Variants in ZBTB2 observed in about 807,000 individuals in gnomAD.
The protein encoded by ZBTB2 is zinc finger and BTB domain-containing protein 2.
In ZBTB2, 2 loss-of-function variants were observed where a neutral mutation model predicts 39.5. That is an observed-to-expected ratio of 0.05 (90% CI 0.02 to 0.16). ZBTB2 has a LOEUF of 0.16. Ranked by LOEUF, ZBTB2 falls within the 10% of genes least tolerant of loss-of-function variation. ZBTB2 has a pLI of 1.00. For synonymous variants in ZBTB2, 251 were observed against 256.6 expected, an observed-to-expected ratio of 0.98 and a Z score of 0.21; for missense variants, 391 against 653.0, an observed-to-expected ratio of 0.60 and a Z score of 4.37.
At chr6:151,375,890 AC>A (rs1294276715) in intron 1 of ZBTB2, among the ~76,000 whole-genome samples, 1 of 152,196 alleles carries the variant, frequency 6.6e-6, no homozygotes, top group Non-Finnish European at 1.5e-5. Context: ...TTAAAAAAGA[AC>A]CATAAAGTGG....
At chr6:151,389,266 GGAAAAAA>G (rs1052610033) in intron 1 of ZBTB2, among the ~76,000 whole-genome samples, 77 of 151,352 alleles carry the variant, frequency 5.1e-4, no homozygotes, top group African/African-American at 1.7e-3. Flanking sequence ...CTTACTAAAA[GGAAAAAA>G]GAAAAAAGAA....
At chr6:151,368,938 T>G (rs1267192227) in intron 2 of ZBTB2, among the ~76,000 whole-genome samples, 1 of 150,852 alleles carries the variant, frequency 6.6e-6, no homozygotes, top group Non-Finnish European at 1.5e-5. Flanking sequence ...TTTTGTATTT[T>G]TTTTAGTAGA....
chr6:151,365,997 C>G lies in ZBTB2; in HGVS notation c.1069G>C (p.Glu357Gln). 1.9e-6 allele frequency: 3 copies of G among 1,614,214 alleles called. No individual in the cohort carries two copies. Among genetic ancestry groups the G allele is most frequent in the Non-Finnish European group, 2.5e-6 (3 of 1,180,044 alleles). ...DNLEQADQER[E>Q]VKRRKYECTI... ...CACTCGTACTTCCGCCTCTTCACCT[C>G]CCTCTCCTGGTCGGCCTGCTCCAGG... The change falls in exon 3 of 3, where the codon GAG becomes CAG. Residue 357 changes from glutamate (E) to glutamine (Q), a missense_variant. This residue lies in a region of ZBTB2 where 17 missense variants were observed against 67.6 expected (regional missense o/e 0.25). Coordinates refer to ENST00000325144, the MANE Select transcript of ZBTB2 (RefSeq NM_020861.3). The surrounding 1 kb of genome is among the most constrained non-coding windows in gnomAD (Gnocchi z 5.6).
chr6:151,386,325 A>G (rs1034266786), intron 1 of ZBTB2, among the ~76,000 whole-genome samples: 1 of 152,152 alleles, frequency 6.6e-6, no homozygotes, highest in Admixed American at 6.5e-5. Flanking sequence ...CGGGCAGATC[A>G]CTTGAGCCCC....
rs536245915 is a variant in ZBTB2, at chr6:151,386,344, G to C, written c.-13+5076C>G. Among the ~76,000 whole-genome samples, 5 of 152,188 alleles carry C rather than the reference G, an allele frequency of 3.3e-5. No homozygotes were observed. The South Asian group carries it at 6.2e-4, about 19-fold the overall frequency. ...CAGATCACTTGAGCCCCGGAGACCA[G>C]CCTGCGCAACATGACGAGACCCTGT... is the stretch of plus-strand genomic sequence containing the variant. On this transcript the variant is annotated intron_variant, in intron 1 of 2. Coordinates refer to ENST00000325144, the MANE Select transcript of ZBTB2 (RefSeq NM_020861.3).
chr6:151,388,745 G>A (rs1044338016), intron 1 of ZBTB2, among the ~76,000 whole-genome samples: 2 of 152,186 alleles, frequency 1.3e-5, no homozygotes, highest in Non-Finnish European at 2.9e-5. Flanking sequence ...TGATATTAAA[G>A]TTTAAGATAT....
chr6:151,388,992 G>T (rs947533156), intron 1 of ZBTB2, among the ~76,000 whole-genome samples: 1 of 152,130 alleles, frequency 6.6e-6, no homozygotes, highest in Non-Finnish European at 1.5e-5. Context: ...TGGCACCGGC[G>T]TATCACTTCT....
At position 151,366,077 on chromosome 6, in the gene ZBTB2, T is replaced by C; in HGVS notation, c.989A>G (p.Asp330Gly). Residue 330 changes from aspartate to glycine, a missense_variant, in exon 3 of 3, where the codon GAT (aspartate) becomes GGT (glycine). This residue lies in a region of ZBTB2 where 80 missense variants were observed against 125.2 expected (regional missense o/e 0.64). Transcript: ENST00000325144. The surrounding 1 kb of genome is among the most constrained non-coding windows in gnomAD (Gnocchi z 7.1). ...TGGGGTTTCCGACTGCTGCTGCCCA[T>C]CGATGATGGGAGAATCAGAGATGTG... Reference protein sequence around the residue: ...LQHISDSPIIDGQQQSETPPP... With the variant: ...LQHISDSPIIGGQQQSETPPP... 2 of 1,614,150 alleles carry C rather than the reference T, an allele frequency of 1.2e-6. No homozygotes were observed. The highest frequency in any genetic ancestry group is 2.2e-5 in the East Asian group (1 of 44,872).
At chr6:151,380,084 C>A (rs545747016) in intron 1 of ZBTB2, among the ~76,000 whole-genome samples, 1 of 151,578 alleles carries the variant, frequency 6.6e-6, no homozygotes, top group African/African-American at 2.4e-5. Flanking sequence ...AGGAAACACA[C>A]TGAACATAAG....
At chr6:151,376,391 A>T (rs1048948133) in intron 1 of ZBTB2, among the ~76,000 whole-genome samples, 2 of 152,348 alleles carry the variant, frequency 1.3e-5, no homozygotes, top group Non-Finnish European at 2.9e-5. Context: ...CATTGAGAGG[A>T]TGAAAACACA....
intron 1 of ZBTB2, among the ~76,000 whole-genome samples, chr6:151,377,715 T>C (rs915562018): frequency 6.6e-6 from 1 of 151,774 alleles, no homozygotes; most frequent in Non-Finnish European, 1.5e-5. Flanking sequence ...TATTTTTTAG[T>C]AGAGATGGGG....
At chr6:151,385,214 T>C (rs1222663719) in intron 1 of ZBTB2, among the ~76,000 whole-genome samples, 1 of 152,212 alleles carries the variant, frequency 6.6e-6, no homozygotes, top group Non-Finnish European at 1.5e-5. Context: ...TTACTTTTCT[T>C]AAGTAAATTC....
intron 1 of ZBTB2, among the ~76,000 whole-genome samples, chr6:151,383,685 C>T (rs1365392948): frequency 6.6e-6 from 1 of 152,110 alleles, no homozygotes; most frequent in Non-Finnish European, 1.5e-5. Context: ...CATCTGCACA[C>T]AGGCTTAGAA....
At chr6:151,371,643 C>T (rs1486416932) in intron 2 of ZBTB2, among the ~76,000 whole-genome samples, 1 of 152,132 alleles carries the variant, frequency 6.6e-6, no homozygotes, top group Non-Finnish European at 1.5e-5. Flanking sequence ...CCTGTGGGGC[C>T]TTGGATGACA....
intron 1 of ZBTB2, among the ~76,000 whole-genome samples, chr6:151,389,107 G>A (rs1779227333): frequency 1.3e-5 from 2 of 152,216 alleles, no homozygotes; most frequent in South Asian, 4.1e-4. Context: ...CCTATTAGTG[G>A]TAAATTACTA....
At chr6:151,373,394 TTGA>T (rs1778828930) in intron 2 of ZBTB2, 68 bp downstream of exon 2, 1 of 1,564,082 alleles carries the variant, frequency 6.4e-7, no homozygotes, top group Non-Finnish European at 8.8e-7. Flanking sequence ...ACCCATGGTC[TTGA>T]TGAGGGCCAG....
intron 1 of ZBTB2, among the ~76,000 whole-genome samples, chr6:151,389,864 A>G (rs1451576499): frequency 6.6e-6 from 1 of 152,038 alleles, no homozygotes; most frequent in Admixed American, 6.5e-5. Context: ...CTCTTTTACT[A>G]CCAGCTAAAA....
At chr6:151,381,399 T>C (rs1467931801) in intron 1 of ZBTB2, among the ~76,000 whole-genome samples, 1 of 152,052 alleles carries the variant, frequency 6.6e-6, no homozygotes, top group Non-Finnish European at 1.5e-5. Flanking sequence ...CGAGTGCCTG[T>C]AATCCCAGCT....
rs148474806 is a variant in ZBTB2, at chr6:151,365,593, C to T, written c.1473G>A (p.Ser491=). ...GRSILLGSGD[S]EVTEPDHPVL... ...CTGGGTGGTCAGGCTCCGTTACTTC[C>T]GAGTCCCCACTGCCCAGGAGAATGG... is the stretch of plus-strand genomic sequence containing the variant. Residue 491 remains serine (S), a synonymous_variant, in exon 3 of 3, where the codon TCG becomes TCA. Transcript: ENST00000325144. The surrounding 1 kb of genome is among the most constrained non-coding windows in gnomAD (Gnocchi z 5.6). 148 of 1,614,156 alleles carry T rather than the reference C, an allele frequency of 9.2e-5. No homozygotes were observed. Among genetic ancestry groups the T allele is most frequent in the African/African-American group, 6.4e-4 (48 of 75,018 alleles).
Sources: gnomAD v4.1 joint callset for allele counts (sites outside exome capture counted in the v4.1 genomes callset) on GRCh38, gnomAD v4.1.1 for gene constraint, gnomAD v4.1.1 regional missense constraint, Gnocchi (gnomAD v3.1) non-coding constraint, MANE v1.5 for transcripts, NCBI Gene and HGNC (gene_info 2026-07-23, HGNC 2026-07-21) for gene names.